The following KAZN variants were observed in gnomAD, a reference collection of about 807,000 sequenced individuals.
KAZN encodes kazrin, periplakin interacting protein, also known as kazrin.
A neutral mutation model predicts 87.4 loss-of-function variants in KAZN; 40 were observed. The ratio of observed to expected loss-of-function variants is 0.46; its 90% CI spans 0.36 to 0.60. The LOEUF (loss-of-function observed/expected upper bound fraction) is 0.60. Ranked by LOEUF, KAZN falls within the 20% of genes least tolerant of loss-of-function variation. The probability of loss-of-function intolerance (pLI) is 0.00; values close to 1 mark genes in which losing one functional copy is unlikely to be tolerated. For missense variants in KAZN, 898 were observed against 1,073.9 expected, an observed-to-expected ratio of 0.84 and a Z score of 2.29; for synonymous variants, 466 against 458.3, an observed-to-expected ratio of 1.02 and a Z score of -0.22.
intron 2 of KAZN, among the ~76,000 whole-genome samples, chr1:14,514,416 A>T (rs868020589): frequency 1.3e-4 from 3 of 22,714 alleles, no homozygotes; most frequent in Non-Finnish European, 3.0e-4. Flanking sequence ...TAATATATAA[A>T]TATATATATA....
chr1:14,825,858 T>A (rs532197297), intron 1 of KAZN, among the ~76,000 whole-genome samples: 119 of 152,226 alleles, frequency 7.8e-4, no homozygotes, highest in African/African-American at 2.8e-3. Context: ...TCTTATTTGT[T>A]GTTAGTGGTT....
intron 1 of KAZN, among the ~76,000 whole-genome samples, chr1:14,947,748 T>C (rs1340749679): frequency 6.6e-6 from 1 of 151,936 alleles, no homozygotes; most frequent in East Asian, 1.9e-4. Context: ...TCCCATGGGG[T>C]TGGTGAGAGA....
intron 2 of KAZN, among the ~76,000 whole-genome samples, chr1:14,189,750 C>T (rs375685493): frequency 2.0e-5 from 3 of 152,252 alleles, no homozygotes; most frequent in South Asian, 2.1e-4. Context: ...GTCGCATCAC[C>T]GAGGCCAGAG....
chr1:14,644,240 G>T (rs1456044261), intron 1 of KAZN, among the ~76,000 whole-genome samples: 5 of 151,432 alleles, frequency 3.3e-5, no homozygotes, highest in Admixed American at 6.6e-5. Context: ...TTGAACTCCT[G>T]ACCTGAGGTG....
intron 1 of KAZN, among the ~76,000 whole-genome samples, chr1:13,920,119 A>G (rs1033509963): frequency 2.0e-5 from 3 of 151,898 alleles, no homozygotes; most frequent in Non-Finnish European, 4.4e-5. Context: ...GGCTGGTGGC[A>G]TGCGACTGTA....
At chr1:14,233,217 G>A (rs538106012) in intron 2 of KAZN, among the ~76,000 whole-genome samples, 23 of 152,098 alleles carry the variant, frequency 1.5e-4, no homozygotes, top group African/African-American at 4.8e-5. Flanking sequence ...CTGCAGCCTC[G>A]GTTTCCTGCG....
chr1:14,175,758 A>C (rs1646059788), intron 1 of KAZN, among the ~76,000 whole-genome samples: 1 of 152,212 alleles, frequency 6.6e-6, no homozygotes, highest in African/African-American at 2.4e-5. Flanking sequence ...ATGTGTAAGC[A>C]AAGGACGTGG....
At chr1:13,925,267 T>C (rs1309552316) in intron 1 of KAZN, among the ~76,000 whole-genome samples, 1 of 152,272 alleles carries the variant, frequency 6.6e-6, no homozygotes, top group Non-Finnish European at 1.5e-5. Context: ...GTATCAGTGC[T>C]TTATTCCTTT....
intron 1 of KAZN, among the ~76,000 whole-genome samples, chr1:14,088,604 T>C (rs939654594): frequency 8.6e-5 from 13 of 152,018 alleles, no homozygotes; most frequent in Non-Finnish European, 1.9e-4. Flanking sequence ...AATGCTCTTC[T>C]GCTGTTGTTG....
At chr1:14,070,154 C>T (rs946251618) in intron 1 of KAZN, among the ~76,000 whole-genome samples, 22 of 46,634 alleles carry the variant, frequency 4.7e-4, no homozygotes, top group African/African-American at 1.0e-3. Flanking sequence ...GGCGACAGTG[C>T]GAGACTCCAT....
rs369884700 is a variant in KAZN, at chr1:14,957,561, G to A, written c.227-3123G>A. Among the ~76,000 whole-genome samples the A allele has an allele frequency of 9.2e-5, 14 of 152,230 alleles. No individual in the cohort carries two copies. The East Asian group carries it at 1.9e-3, about 21-fold the overall frequency. On this transcript the variant is annotated intron_variant, in intron 1 of 14. Coordinates refer to ENST00000376030, the MANE Select transcript of KAZN (RefSeq NM_201628.3). ...AGCGAGTGAGCCTCCACGTCACTAC[G>A]GGGTTTTGTCCGGGTTGCCTGCCGT...
At chr1:14,459,073 C>T (rs113721282) in intron 2 of KAZN, among the ~76,000 whole-genome samples, 1 of 152,146 alleles carries the variant, frequency 6.6e-6, no homozygotes, top group African/African-American at 2.4e-5. Context: ...AGTGATTGGA[C>T]TCCCCCAAGC....
At chr1:15,101,800 G>A in intron 11 of KAZN, 26 bp downstream of exon 11, 4 of 1,500,434 alleles carry the variant, frequency 2.7e-6, no homozygotes, top group Non-Finnish European at 1.8e-6. Flanking sequence ...CAGGGTGGGG[G>A]CACCTTCCAC....
chr1:15,085,366 C>T (rs1640202003), intron 8 of KAZN, among the ~76,000 whole-genome samples: 1 of 152,192 alleles, frequency 6.6e-6, no homozygotes, highest in Non-Finnish European at 1.5e-5. Flanking sequence ...TTCACTCTGT[C>T]ACCCAGGCTA....
At chr1:15,070,362 C>T (rs571098494) in intron 8 of KAZN, among the ~76,000 whole-genome samples, 44 of 152,218 alleles carry the variant, frequency 2.9e-4, no homozygotes, top group Admixed American at 3.9e-4. Context: ...GAGCAGAAAC[C>T]GGCTGCTGTC....
At chr1:15,049,995 G>C (rs963847658) in intron 4 of KAZN, among the ~76,000 whole-genome samples, 1 of 151,826 alleles carries the variant, frequency 6.6e-6, no homozygotes, top group African/African-American at 2.4e-5. Context: ...CTCCAGCCTG[G>C]ATGACAGAGT....
chr1:13,893,855 C>A, intron 1 of KAZN: 3 of 1,334,324 alleles, frequency 2.2e-6, no homozygotes, highest in African/African-American at 1.5e-5. Context: ...GTGTGTCTGT[C>A]AGTCTACCTC....
chr1:14,190,166 C>A (rs1363502519), intron 2 of KAZN, among the ~76,000 whole-genome samples: 1 of 152,142 alleles, frequency 6.6e-6, no homozygotes, highest in Non-Finnish European at 1.5e-5. Context: ...CTGGTCATTA[C>A]AACAGGTGCA....
At chr1:14,092,092 CTTTTTTTT>C (rs869248379) in intron 1 of KAZN, among the ~76,000 whole-genome samples, 1 of 129,092 alleles carries the variant, frequency 7.7e-6, no homozygotes, top group Non-Finnish European at 1.7e-5. Context: ...ATTTTCTTTT[CTTTTTTTT>C]TTTTTTTTTT....
Sources: allele counts gnomAD v4.1 joint callset (sites outside exome capture counted in the v4.1 genomes callset), GRCh38; gene constraint gnomAD v4.1.1; transcripts MANE v1.5; gene names NCBI Gene and HGNC (gene_info 2026-07-23, HGNC 2026-07-21).